ATG9A: variants seen among roughly 807,000 people sequenced by gnomAD.
ATG9A encodes autophagy related 9A.
In ATG9A, 21 loss-of-function variants were observed where a neutral mutation model predicts 87.1. The ratio of observed to expected loss-of-function variants is 0.24; its 90% CI spans 0.17 to 0.35. The LOEUF (loss-of-function observed/expected upper bound fraction) is 0.35. Ranked by LOEUF, ATG9A falls within the 10% of genes least tolerant of loss-of-function variation. ATG9A has a pLI of 1.00. For missense variants in ATG9A, 836 were observed against 1,107.3 expected (o/e 0.76, Z 3.48); for synonymous variants, 422 against 441.3 (o/e 0.96, Z 0.55).
At chr2:219,225,041 T>C (rs1950834091) in intron 7 of ATG9A, 30 bp downstream of exon 7, 4 of 1,613,686 alleles carry the variant, frequency 2.5e-6, no homozygotes, top group Non-Finnish European at 3.4e-6. Flanking sequence ...TCTTAGACTA[T>C]GGGCTAACTG....
intron 4 of ATG9A, 64 bp downstream of exon 4, chr2:219,227,706 C>T (rs1574834920): frequency 1.3e-6 from 2 of 1,578,834 alleles, no homozygotes; most frequent in African/African-American, 1.4e-5. Context: ...CACCTCCCAC[C>T]AGAGCCCCGG....
Position 219,223,506 on chromosome 2 carries a change from T to C in ATG9A, c.1599+79A>G. On this transcript the variant is annotated intron_variant, in intron 10 of 15. Transcript: ENST00000361242. The surrounding 1 kb of genome is among the most constrained non-coding windows in gnomAD (Gnocchi z 4.7). ...CTGCCTTTGTGTGACTCAGGAGAGGTGTCTTTTTGCGGTTTTCCCAAAGAC... is the reference window on the plus strand; with the variant it reads ...CTGCCTTTGTGTGACTCAGGAGAGGCGTCTTTTTGCGGTTTTCCCAAAGAC... 6.9e-7 allele frequency: 1 copy of C among 1,455,482 alleles called. No homozygotes were observed. The highest frequency in any genetic ancestry group is 9.2e-7 in the Non-Finnish European group (1 of 1,082,994). The allele number at this position is 1,455,482 out of a possible 1,614,324, so 90.2% of individuals were successfully genotyped here. A position where few individuals can be genotyped will look rare whatever the true frequency, so the allele number is the denominator to read the frequency against.
chr2:219,221,123 A>G lies in ATG9A; in HGVS notation c.2325T>C (p.Thr775=), dbSNP rs2276633. The G allele has an allele frequency of 0.97, 1,559,766 of 1,612,494 alleles. 758,469 individuals carry two copies. Among genetic ancestry groups the G allele is most frequent in the Non-Finnish European group, 0.99 (1,165,628 of 1,179,380 alleles). Residue 775 remains threonine (T), a synonymous_variant, in exon 14 of 16, where the codon ACT becomes ACC. Coordinates refer to ENST00000361242, the MANE Select transcript of ATG9A (RefSeq NM_001077198.3). ...AAPRPGAPET[T]ALHGGFQRRY... ...GCCTCTGGAAGCCCCCATGCAGGGCAGTGGTCTCAGGAGCTCCAGGCCGGG... is the reference window on the plus strand; with the variant it reads ...GCCTCTGGAAGCCCCCATGCAGGGCGGTGGTCTCAGGAGCTCCAGGCCGGG...
In ATG9A at chr2:219,228,051, C is replaced by T. The variant is rs751183518; in HGVS notation, c.-27G>A. 1.9e-6 allele frequency: 3 copies of T among 1,590,710 alleles called. No individual in the cohort carries two copies. In the Admixed American group the frequency reaches 5.1e-5, roughly 27 times the overall value. On this transcript the variant is annotated splice_region_variant and 5_prime_UTR_variant, in exon 3 of 16. Transcript: ENST00000361242. ...ACCACCGCCCCCTGTCCACCTTGACCACCTGCCAATAAGGAGGAAGAAGAG... is the reference window on the plus strand; with the variant it reads ...ACCACCGCCCCCTGTCCACCTTGACTACCTGCCAATAAGGAGGAAGAAGAG...
Position 219,227,752 on chromosome 2 carries a change from CAG to C in ATG9A, c.147+16_147+17del. 6.2e-7 allele frequency: 1 copy of C among 1,613,618 alleles called. No homozygotes were observed. The highest frequency in any genetic ancestry group is 8.5e-7 in the Non-Finnish European group (1 of 1,179,542). On this transcript the variant is annotated intron_variant, in intron 4 of 15. Transcript: ENST00000361242. Reference sequence around the variant, plus strand: ...CATTAAAGGTCCCAGAGCTCCAACTCAGAAACACAAAGGATATTCGAGAGAAG... The same window carrying C: ...CATTAAAGGTCCCAGAGCTCCAACTCAAACACAAAGGATATTCGAGAGAAG...
chr2:219,224,888 G>A lies in ATG9A; in HGVS notation c.517-34C>T, dbSNP rs373504599. 1.7e-4 allele frequency: 273 copies of A among 1,606,658 alleles called. No homozygotes were observed. The highest frequency in any genetic ancestry group is 2.2e-4 in the Non-Finnish European group (262 of 1,176,004). On this transcript the variant is annotated intron_variant, in intron 7 of 15. Coordinates refer to ENST00000361242, the MANE Select transcript of ATG9A (RefSeq NM_001077198.3). This position sits in a 1 kb window ranked among gnomAD's most constrained non-coding sequence, Gnocchi z 7.7. The stretch of plus-strand genomic sequence containing the variant: ...TGGGGTGGGGAAGAGACAAGGTACG[G>A]AAGGTGGGGTTGTTGCCTCGACCCC...
rs758716855 is a variant in ATG9A at position 219,222,510 on chromosome 2, T to C, written c.1849-60A>G. On this transcript the variant is annotated intron_variant, in intron 11 of 15. Transcript: ENST00000361242. The surrounding 1 kb of genome is among the most constrained non-coding windows in gnomAD (Gnocchi z 4.3). The stretch of plus-strand genomic sequence containing the variant: ...CAAGAGAAAGGTCTCTGGGGTCCCC[T>C]AGTATTCTGTATCTCAGGCCCCAGT... The C allele has an allele frequency of 1.9e-5, 29 of 1,554,110 alleles. No homozygotes were observed. Among genetic ancestry groups the C allele is most frequent in the South Asian group, 2.5e-5 (2 of 81,010 alleles).
At chr2:219,221,010 C>T (rs1448049236) in intron 14 of ATG9A, 70 bp downstream of exon 14, 3 of 1,592,514 alleles carry the variant, frequency 1.9e-6, no homozygotes, top group Admixed American at 1.7e-5. Flanking sequence ...CTCTTTCCTC[C>T]CCTTGAGAGG....
chr2:219,224,117 C>A lies in ATG9A; in HGVS notation c.1254G>T (p.Val418=). 6.2e-7 allele frequency: 1 copy of A among 1,613,002 alleles called. No homozygotes were observed. Among genetic ancestry groups the A allele is most frequent in the South Asian group, 1.1e-5 (1 of 91,006 alleles). The change falls in exon 8 of 16, where the codon GTG becomes GTT. Residue 418 remains valine, a synonymous_variant. Transcript: ENST00000361242. This position sits in a 1 kb window ranked among gnomAD's most constrained non-coding sequence, Gnocchi z 7.7. ...LTTVTLLGVT[V]TVCRSFIPDQ... ...TGGCCCTGGCCCACCTGCACACGGT[C>A]ACGGTGACCCCCAGGAGTGTGACGG...
intron 3 of ATG9A, 23 bp downstream of exon 3, chr2:219,227,899 G>C (rs1950896249): frequency 6.2e-7 from 1 of 1,613,234 alleles, no homozygotes. Flanking sequence ...CTCTCCCTAT[G>C]GCTGTCATAT....
Position 219,223,019 on chromosome 2 carries a change from G to A in ATG9A, c.1600-126C>T. On this transcript the variant is annotated intron_variant, in intron 10 of 15. Transcript: ENST00000361242. The surrounding 1 kb of genome is among the most constrained non-coding windows in gnomAD (Gnocchi z 4.7). ...CACAGTATACTGTCAATCTTTCCCA[G>A]GGCACTGGTGCCCCCCCAGACCCAG... 1.6e-6 allele frequency: 2 copies of A among 1,288,710 alleles called. No individual in the cohort carries two copies. The highest frequency in any genetic ancestry group is 2.1e-6 in the Non-Finnish European group (2 of 942,360). 79.8% of individuals were successfully genotyped at this position (1,288,710 alleles called of 1,614,324 possible).
chr2:219,224,341 T>G lies in ATG9A; in HGVS notation c.1030A>C (p.Asn344His). Residue 344 changes from asparagine (N) to histidine (H), a missense_variant, in exon 8 of 16, where the codon AAC becomes CAC. Asn to His is a moderately conservative substitution (Grantham distance 68, BLOSUM62 1). Around this residue, in one of 2 missense-constraint regions of ATG9A, gnomAD observed 512 missense variants for 759.6 expected, o/e 0.67. Coordinates refer to ENST00000361242, the MANE Select transcript of ATG9A (RefSeq NM_001077198.3). This position sits in a 1 kb window ranked among gnomAD's most constrained non-coding sequence, Gnocchi z 7.7. ...LYGRCYLRHFNELEHELQSRL... is the reference protein window; with the variant it reads ...LYGRCYLRHFHELEHELQSRL... Reference sequence around the variant, plus strand: ...GACTGCAGCTCGTGCTCCAGCTCGTTGAAGTGGCGGAGGTAGCAGCGGCCA... The same window carrying G: ...GACTGCAGCTCGTGCTCCAGCTCGTGGAAGTGGCGGAGGTAGCAGCGGCCA... The G allele has an allele frequency of 6.2e-7, 1 of 1,613,752 alleles. No homozygotes were observed. Among genetic ancestry groups the G allele is most frequent in the East Asian group, 2.2e-5 (1 of 44,884 alleles).
intron 6 of ATG9A, 90 bp downstream of exon 6, chr2:219,225,321 G>T (rs755774968): frequency 6.3e-7 from 1 of 1,595,488 alleles, no homozygotes; most frequent in Non-Finnish European, 8.6e-7. Flanking sequence ...GTCAGTTCTG[G>T]AGTATGAGTT....
intron 2 of ATG9A, 165 bp from the exon 3 acceptor site, chr2:219,228,218 G>C: frequency 1.7e-6 from 1 of 577,340 alleles, no homozygotes; most frequent in South Asian, 2.2e-5. Context: ...GTAAGCTCAG[G>C]GCTGGGGGAG....
intron 1 of ATG9A, chr2:219,228,940 C>G (rs557087612): frequency 6.6e-6 from 1 of 152,220 alleles, no homozygotes. Flanking sequence ...TCAGTGTAGA[C>G]CCCCGATCCT....
chr2:219,229,559 T>C lies in ATG9A; in HGVS notation c.-106A>G, dbSNP rs977552757. ...CCTCAGGAACAGCGACCCGGGTGAT[T>C]CCAGAGGCTCCGCCGGCTCCGCTCG... On this transcript the variant is annotated 5_prime_UTR_variant, in exon 1 of 16. Coordinates refer to ENST00000361242, the MANE Select transcript of ATG9A (RefSeq NM_001077198.3). This position sits in a 1 kb window ranked among gnomAD's most constrained non-coding sequence, Gnocchi z 4.2. 1 of 152,554 alleles carries C rather than the reference T, an allele frequency of 6.6e-6. No homozygotes were observed. Among genetic ancestry groups the C allele is most frequent in the Admixed American group, 6.5e-5 (1 of 15,282 alleles). The allele number at this position is 152,554 out of a possible 1,614,324, so 9.5% of individuals were successfully genotyped here.
chr2:219,224,246 C>T lies in ATG9A; in HGVS notation c.1125G>A (p.Leu375=), dbSNP rs989733874. The T allele has an allele frequency of 1.2e-6, 2 of 1,613,792 alleles. No individual in the cohort carries two copies. The highest frequency in any genetic ancestry group is 1.7e-6 in the Non-Finnish European group (2 of 1,180,048). Residue 375 remains leucine, a synonymous_variant, in exon 8 of 16, where the codon CTG becomes CTA. Transcript: ENST00000361242. This position sits in a 1 kb window ranked among gnomAD's most constrained non-coding sequence, Gnocchi z 7.7. The stretch of plus-strand genomic sequence containing the variant: ...CGAAGAAGGCTCCATTCTTGGCCAG[C>T]AGTGTCAAAAGAGGTGACAAGAAGC... ...MNCFLSPLLT[L]LAKNGAFFAG...
chr2:219,219,716 C>T lies in ATG9A; in HGVS notation c.*731G>A, dbSNP rs1950713451. ...AGCAGCAATGAGGGCCCAGGAAGAC[C>T]TCAGTCTCCTGGGGGCCCATCCTAA... On this transcript the variant is annotated 3_prime_UTR_variant, in exon 16 of 16. Coordinates refer to ENST00000361242, the MANE Select transcript of ATG9A (RefSeq NM_001077198.3). 1 of 152,408 alleles carries T rather than the reference C, an allele frequency of 6.6e-6. No homozygotes were observed. Among genetic ancestry groups the T allele is most frequent in the African/African-American group, 2.4e-5 (1 of 41,460 alleles). The allele number at this position is 152,408 out of a possible 1,614,324, so 9.4% of individuals were successfully genotyped here.
chr2:219,228,810 C>T (rs546800850), intron 1 of ATG9A: 1 of 152,418 alleles, frequency 6.6e-6, no homozygotes, highest in South Asian at 2.1e-4. Context: ...TTCTCAGGGT[C>T]CACAAAACCT....
Sources: gnomAD v4.1 joint callset for allele counts on GRCh38, gnomAD v4.1.1 for gene constraint, gnomAD v4.1.1 regional missense constraint, Gnocchi (gnomAD v3.1) non-coding constraint, MANE v1.5 for transcripts, NCBI Gene and HGNC (gene_info 2026-07-23, HGNC 2026-07-21) for gene names.